The following LMX1B variants were observed in gnomAD, a reference collection of about 807,000 sequenced individuals.
The protein encoded by LMX1B is LIM homeobox transcription factor 1 beta, also known as LIM homeobox transcription factor 1-beta.
In LMX1B, 12 loss-of-function variants were observed where a neutral mutation model predicts 51.4. The ratio of observed to expected loss-of-function variants is 0.23; its 90% confidence interval spans 0.15 to 0.38. The LOEUF (loss-of-function observed/expected upper bound fraction) is 0.38. Ranked by LOEUF, LMX1B falls within the 10% of genes least tolerant of loss-of-function variation. LMX1B has a pLI of 1.00. For missense variants in LMX1B, 445 were observed against 571.1 expected (o/e 0.78, Z 2.25); for synonymous variants, 237 against 235.4 (o/e 1.01, Z -0.06).
chr9:126,642,997 C>T (rs1835835448), intron 2 of LMX1B, among the ~76,000 whole-genome samples: 1 of 152,184 alleles, frequency 6.6e-6, no homozygotes, highest in Non-Finnish European at 1.5e-5. Context: ...ATCTGATGTT[C>T]CACTTAGGAA....
rs574423197 is a variant in LMX1B at position 126,681,616 on chromosome 9, CAG to C, written c.327-9217_327-9216del. On this transcript the variant is annotated intron_variant, in intron 2 of 7. Coordinates refer to ENST00000373474, the MANE Select transcript of LMX1B (RefSeq NM_001174147.2). Reference sequence around the variant, plus strand: ...TAAGGAACCTGGTTAAAATGCCAATCAGAGGCGGACACAGTGGCTCACACCTG... The same window carrying C: ...TAAGGAACCTGGTTAAAATGCCAATCAGGCGGACACAGTGGCTCACACCTG... Among the ~76,000 whole-genome samples, 8 of 152,188 alleles carry C rather than the reference CAG, an allele frequency of 5.3e-5. No individual in the cohort carries two copies. In the East Asian group the frequency reaches 1.4e-3, roughly 26 times the overall value.
intron 2 of LMX1B, among the ~76,000 whole-genome samples, chr9:126,642,152 G>A (rs1475718005): frequency 6.6e-6 from 1 of 152,188 alleles, no homozygotes; most frequent in South Asian, 2.1e-4. Flanking sequence ...AGCTGAGTCT[G>A]TCCTGCTCGC....
chr9:126,630,575 C>T (rs1013326254), intron 2 of LMX1B, among the ~76,000 whole-genome samples: 2 of 152,186 alleles, frequency 1.3e-5, no homozygotes, highest in African/African-American at 4.8e-5. Context: ...AGCTAGTTAG[C>T]AGCTGATGGG....
At position 126,690,943 on chromosome 9, in the gene LMX1B, T is replaced by G; in HGVS notation, c.434T>G (p.Val145Gly). Residue 145 changes from valine to glycine, a missense_variant, in exon 3 of 8, where the codon GTG becomes GGG. Physicochemically the swap from Val to Gly is moderately radical, Grantham distance 109 (BLOSUM62 -3). Coordinates refer to ENST00000373474, the MANE Select transcript of LMX1B (RefSeq NM_001174147.2). ...CACCTGGGCTGCTTCTGCTGCTGCG[T>G]GTGTGAACGGCAGCTACGCAAGGGC... Reference protein sequence around the residue: ...VYHLGCFCCCVCERQLRKGDE... With the variant: ...VYHLGCFCCCGCERQLRKGDE... 1 of 1,613,970 alleles carries G rather than the reference T, an allele frequency of 6.2e-7. No homozygotes were observed.
At chr9:126,616,338 G>A (rs190705034) in intron 2 of LMX1B, among the ~76,000 whole-genome samples, 1 of 152,332 alleles carries the variant, frequency 6.6e-6, no homozygotes, top group East Asian at 1.9e-4. Context: ...CCTCAGGGCT[G>A]AGGCCAGAGA....
At chr9:126,633,936 T>C (rs185741826) in intron 2 of LMX1B, among the ~76,000 whole-genome samples, 1 of 152,170 alleles carries the variant, frequency 6.6e-6, no homozygotes, top group Admixed American at 6.5e-5. Flanking sequence ...CACACAGCTT[T>C]GTGTGACCCC....
intron 2 of LMX1B, among the ~76,000 whole-genome samples, chr9:126,689,275 G>A (rs2030023944): frequency 6.6e-6 from 1 of 152,196 alleles, no homozygotes; most frequent in African/African-American, 2.4e-5. Flanking sequence ...TGCCCACTTC[G>A]CCCCACCAGC....
At chr9:126,647,404 C>T (rs962644764) in intron 2 of LMX1B, among the ~76,000 whole-genome samples, 5 of 152,178 alleles carry the variant, frequency 3.3e-5, no homozygotes, top group African/African-American at 7.2e-5. Context: ...CACGCCGGGA[C>T]CGTGCTGCAC....
At chr9:126,678,906 T>C (rs748829285) in intron 2 of LMX1B, among the ~76,000 whole-genome samples, 24 of 152,226 alleles carry the variant, frequency 1.6e-4, no homozygotes, top group Non-Finnish European at 2.8e-4. Flanking sequence ...AGAAAACACT[T>C]GCTCAAAGAA....
Position 126,681,770 on chromosome 9 carries a change from G to A in LMX1B, c.327-9066G>A, listed in dbSNP as rs113200111. On this transcript the variant is annotated intron_variant, in intron 2 of 7. Coordinates refer to ENST00000373474, the MANE Select transcript of LMX1B (RefSeq NM_001174147.2). ...ACAAAAATTAGCCGAGTGTGGTGGC[G>A]GATGCCTGTAATCCCAGCTACTTGG... 5.4e-3 allele frequency among the ~76,000 whole-genome samples: 820 copies of A among 152,022 alleles called. 13 individuals carry two copies. The highest frequency in any genetic ancestry group is 0.019 in the African/African-American group (793 of 41,464).
chr9:126,692,515 A>G (rs2030166613), intron 3 of LMX1B, among the ~76,000 whole-genome samples: 1 of 152,200 alleles, frequency 6.6e-6, no homozygotes, highest in South Asian at 2.1e-4. Flanking sequence ...AGATGCATGC[A>G]TGCCTGTACG....
chr9:126,652,003 G>GT (rs1564155428), intron 2 of LMX1B, among the ~76,000 whole-genome samples: 2 of 151,806 alleles, frequency 1.3e-5, no homozygotes, highest in African/African-American at 4.8e-5. Context: ...CCAGAGATGG[G>GT]GGGGGGCCTG....
chr9:126,696,016 A>ACGGGGGGGGGC lies in LMX1B; in HGVS notation c.1051+14_1051+15insGGGGGGGGGCC. ...ATGAACCCCTATGGTAAGCCGCCCT[A>ACGGGGGGGGGC]CCCCCACCCGCCCGCCCCAGCACAG... On this transcript the variant is annotated intron_variant, in intron 7 of 7. Transcript: ENST00000373474. 6.6e-7 allele frequency: 1 copy of ACGGGGGGGGGC among 1,512,690 alleles called. No homozygotes were observed. The highest frequency in any genetic ancestry group is 8.8e-7 in the Non-Finnish European group (1 of 1,131,788). The allele number at this position is 1,512,690 out of a possible 1,614,324, so 93.7% of individuals were successfully genotyped here. A position where few individuals can be genotyped will look rare whatever the true frequency, so the allele number is the denominator to read the frequency against.
In LMX1B at chr9:126,626,047, A is replaced by G. The variant is rs1395826415; in HGVS notation, c.326+10478A>G. Among the ~76,000 whole-genome samples the G allele has an allele frequency of 2.0e-5, 3 of 152,232 alleles. No homozygotes were observed. Among genetic ancestry groups the G allele is most frequent in the Admixed American group, 6.5e-5 (1 of 15,288 alleles). On this transcript the variant is annotated intron_variant, in intron 2 of 7. Coordinates refer to ENST00000373474, the MANE Select transcript of LMX1B (RefSeq NM_001174147.2). This position sits in a 1 kb window ranked among gnomAD's most constrained non-coding sequence, Gnocchi z 4.3. ...GGGCTCCGTTTTGCTCCCCTCATGG[A>G]CATGGGGGTGGGGAGCTCGTGGGGT...
chr9:126,653,598 CA>C (rs1012464728), intron 2 of LMX1B, among the ~76,000 whole-genome samples: 1 of 152,224 alleles, frequency 6.6e-6, no homozygotes, highest in African/African-American at 2.4e-5. Context: ...ACGTCCACGT[CA>C]ACACAGTGCC....
At chr9:126,614,716 A>G in intron 1 of LMX1B, 128 bp downstream of exon 1, 1 of 1,081,388 alleles carries the variant, frequency 9.2e-7, no homozygotes, top group Non-Finnish European at 1.3e-6. Context: ...GGAGGCAGAG[A>G]CAGGACTCCT....
At chr9:126,619,927 A>G (rs1835377220) in intron 2 of LMX1B, among the ~76,000 whole-genome samples, 1 of 152,012 alleles carries the variant, frequency 6.6e-6, no homozygotes, top group African/African-American at 2.4e-5. Context: ...CGGCCGTGGC[A>G]CCTACCTGAT....
intron 2 of LMX1B, among the ~76,000 whole-genome samples, chr9:126,681,851 A>G (rs1836679305): frequency 1.3e-5 from 2 of 151,894 alleles, no homozygotes; most frequent in South Asian, 4.2e-4. Context: ...CAGTGAGCCA[A>G]GATCACGCCA....
rs895024414 is a variant in LMX1B at position 126,615,915 on chromosome 9, T to C, written c.326+346T>C. ...CCCAAAATTGATTTCCAAAGGAAAA[T>C]AATGTTTTAGGGAGCCAGGCCTGGC... On this transcript the variant is annotated intron_variant, in intron 2 of 7. Transcript: ENST00000373474. This position sits in a 1 kb window ranked among gnomAD's most constrained non-coding sequence, Gnocchi z 6.0. 6.6e-6 allele frequency among the ~76,000 whole-genome samples: 1 copy of C among 152,000 alleles called. No homozygotes were observed. The highest frequency in any genetic ancestry group is 6.5e-5 in the Admixed American group (1 of 15,268).
Sources: gnomAD v4.1 joint callset for allele counts (sites outside exome capture counted in the v4.1 genomes callset) on GRCh38, gnomAD v4.1.1 for gene constraint, Gnocchi (gnomAD v3.1) non-coding constraint, MANE v1.5 for transcripts, NCBI Gene and HGNC (gene_info 2026-07-23, HGNC 2026-07-21) for gene names.